Variants in ARAP1 observed in about 807,000 individuals in gnomAD.
ARAP1 encodes the protein arf-GAP with Rho-GAP domain, ANK repeat and PH domain-containing protein 1.
In ARAP1, 76 loss-of-function variants were observed where a neutral mutation model predicts 172.2. The ratio of observed to expected loss-of-function variants is 0.44; its 90% confidence interval spans 0.37 to 0.53. The LOEUF (loss-of-function observed/expected upper bound fraction) is 0.53, where lower values mean the gene tolerates loss of function less well. ARAP1 is among the 20% of genes least tolerant of loss of function. The probability of loss-of-function intolerance (pLI) is 0.00; values close to 1 mark genes in which losing one functional copy is unlikely to be tolerated. For synonymous variants in ARAP1, 804 were observed against 803.3 expected (o/e 1.00, Z -0.01); for missense variants, 1,686 against 1,977.5 (o/e 0.85, Z 2.80).
At chr11:72,739,192 C>G (rs1284435415) in intron 1 of ARAP1, among the ~76,000 whole-genome samples, 1 of 152,188 alleles carries the variant, frequency 6.6e-6, no homozygotes, top group Admixed American at 6.5e-5. Flanking sequence ...CTGGGCCAAG[C>G]AGCCTATTTT....
intron 1 of ARAP1, among the ~76,000 whole-genome samples, chr11:72,744,278 A>G (rs1358907909): frequency 1.3e-5 from 2 of 152,164 alleles, no homozygotes; most frequent in African/African-American, 2.4e-5. Flanking sequence ...CACACAGTGA[A>G]TATCTGTTGA....
At chr11:72,745,829 G>A (rs761283625) in intron 1 of ARAP1, among the ~76,000 whole-genome samples, 14 of 152,188 alleles carry the variant, frequency 9.2e-5, no homozygotes, top group Non-Finnish European at 1.6e-4. Context: ...TCCTGGCTGG[G>A]TTGTGCTTCT....
chr11:72,691,953 AG>A (rs1445551388), intron 30 of ARAP1, among the ~76,000 whole-genome samples: 1 of 152,178 alleles, frequency 6.6e-6, no homozygotes, highest in Non-Finnish European at 1.5e-5. Context: ...AGTTCACAGT[AG>A]GGTTCGCACT....
chr11:72,736,239 CTTTTTTTT>C (rs61233618), intron 1 of ARAP1, among the ~76,000 whole-genome samples: 3 of 132,380 alleles, frequency 2.3e-5, no homozygotes, highest in African/African-American at 8.5e-5. Flanking sequence ...TTTTAGTTAC[CTTTTTTTT>C]TTTTTTTTTG....
intron 3 of ARAP1, among the ~76,000 whole-genome samples, chr11:72,719,017 G>T (rs1486139746): frequency 6.6e-6 from 1 of 152,198 alleles, no homozygotes; most frequent in Non-Finnish European, 1.5e-5. Context: ...TGCTCTGTAA[G>T]GTAAGGCTCG....
At position 72,693,704 on chromosome 11, in the gene ARAP1, G is replaced by C; in HGVS notation, c.3796C>G (p.Leu1266Val). ...VKKHQAMEAM[L>V]LYLASRVGDT... ...AGGCACCACCTACCCAGGTACAGCA[G>C]CATGGCCTCCATGGCCTGGTGCTTC... Residue 1266 changes from leucine to valine, a missense_variant, in exon 28 of 35, where the codon CTG becomes GTG. Coordinates refer to ENST00000393609, the MANE Select transcript of ARAP1 (RefSeq NM_001040118.3). The surrounding 1 kb of genome is among the most constrained non-coding windows in gnomAD (Gnocchi z 4.6). 2 of 1,607,256 alleles carry C rather than the reference G, an allele frequency of 1.2e-6. No homozygotes were observed. The highest frequency in any genetic ancestry group is 1.7e-6 in the Non-Finnish European group (2 of 1,176,900).
chr11:72,695,883 AG>A lies in ARAP1; in HGVS notation c.3273-19del. ...ACTGAACACTGGAGAGGGGAGGAGG[AG>A]GGCTTTGAGTGAGGAGTCAGGCCAG... On this transcript the variant is annotated intron_variant, in intron 23 of 34. Transcript: ENST00000393609. This position sits in a 1 kb window ranked among gnomAD's most constrained non-coding sequence, Gnocchi z 4.4. The A allele has an allele frequency of 1.2e-6, 2 of 1,602,614 alleles. No homozygotes were observed. The highest frequency in any genetic ancestry group is 1.7e-6 in the Non-Finnish European group (2 of 1,174,454).
chr11:72,715,708 C>A (rs1292881516), intron 3 of ARAP1, among the ~76,000 whole-genome samples: 2 of 151,786 alleles, frequency 1.3e-5, no homozygotes, highest in African/African-American at 2.4e-5. Context: ...GTAGGTGGGT[C>A]TCAAGGTGTA....
Position 72,702,978 on chromosome 11 carries a change from G to A in ARAP1, c.2094C>T (p.Pro698=), listed in dbSNP as rs867388056. 1 of 1,567,740 alleles carries A rather than the reference G, an allele frequency of 6.4e-7. No individual in the cohort carries two copies. The highest frequency in any genetic ancestry group is 8.6e-7 in the Non-Finnish European group (1 of 1,157,558). ...INCFSGDPEA[P]TPLALAEQAG... ...CCTGCTCTGCAAGAGCCAGGGGCGT[G>A]GGGGCCTCAGGGTCCCCCGAGAAGC... The change falls in exon 15 of 35, where the codon CCC becomes CCT. Residue 698 remains proline, a synonymous_variant. Transcript: ENST00000393609.
intron 1 of ARAP1, among the ~76,000 whole-genome samples, chr11:72,733,490 C>T (rs1198911292): frequency 1.3e-5 from 2 of 152,144 alleles, no homozygotes; most frequent in African/African-American, 4.8e-5. Context: ...TTGAGGAAAA[C>T]AGACCAAAAG....
intron 2 of ARAP1, among the ~76,000 whole-genome samples, chr11:72,732,046 G>A (rs1364006495): frequency 1.3e-5 from 2 of 152,038 alleles, no homozygotes; most frequent in African/African-American, 2.4e-5. Flanking sequence ...AAAACTGGAC[G>A]GATATATATA....
chr11:72,711,607 TAGGG>T (rs1423147037), intron 7 of ARAP1, 108 bp from the exon 8 acceptor site: 1 of 915,686 alleles, frequency 1.1e-6, no homozygotes, highest in East Asian at 2.5e-5. Context: ...AGCCAGGTTC[TAGGG>T]AGGAAGAATC....
At chr11:72,733,183 G>A (rs1295427337) in intron 1 of ARAP1, among the ~76,000 whole-genome samples, 1 of 152,184 alleles carries the variant, frequency 6.6e-6, no homozygotes, top group Non-Finnish European at 1.5e-5. Flanking sequence ...GTGGTAAAGA[G>A]GAGTCAGGAC....
intron 1 of ARAP1, among the ~76,000 whole-genome samples, chr11:72,746,327 G>A (rs1157185042): frequency 6.6e-6 from 1 of 152,160 alleles, no homozygotes; most frequent in Admixed American, 6.5e-5. Context: ...TGTGTGCTGG[G>A]GGTGGTAGAT....
At chr11:72,735,120 A>G (rs1416901320) in intron 1 of ARAP1, among the ~76,000 whole-genome samples, 1 of 152,054 alleles carries the variant, frequency 6.6e-6, no homozygotes, top group East Asian at 1.9e-4. Context: ...ACCTGGGACT[A>G]CAGGCTTGCA....
chr11:72,686,170 AG>A lies in ARAP1; in HGVS notation c.4206del (p.Ser1403GlnfsTer20). 6 of 1,613,530 alleles carry A rather than the reference AG, an allele frequency of 3.7e-6. No individual in the cohort carries two copies. The highest frequency in any genetic ancestry group is 5.1e-6 in the Non-Finnish European group (6 of 1,179,790). On this transcript the variant is annotated frameshift_variant, in exon 34 of 35. Transcript: ENST00000393609. LOFTEE classifies it high-confidence loss of function. Reference protein sequence around the residue: ...LFVQHDGLVWPSEPSRVSRAV... With the variant: ...LFVQHDGLVWXSEPSRVSRAV... ...GCCCGGGACACGCGTGAGGGCTCTGAGGGCCACACCAGGCCGTCATGCTGGG... is the reference window on the plus strand; with the variant it reads ...GCCCGGGACACGCGTGAGGGCTCTGAGGCCACACCAGGCCGTCATGCTGGG...
At chr11:72,686,709 G>A (rs1333264013) in intron 33 of ARAP1, among the ~76,000 whole-genome samples, 1 of 152,136 alleles carries the variant, frequency 6.6e-6, no homozygotes, top group Non-Finnish European at 1.5e-5. Context: ...TCCCCACCAT[G>A]TCCCTGCCTG....
Position 72,709,933 on chromosome 11 carries a change from A to T in ARAP1, c.1460T>A (p.Val487Glu). ...GIGITFIDMSVGNVKEVDRRS... is the reference protein window; with the variant it reads ...GIGITFIDMSEGNVKEVDRRS... ...CCGGTCCACTTCCTTCACGTTGCCC[A>T]CGCTCATGTCGATGAAGGTGATGCC... Residue 487 changes from valine (V) to glutamate (E), a missense_variant, in exon 11 of 35, where the codon GTG becomes GAG. This residue lies in a region of ARAP1 where 688 missense variants were observed against 856.9 expected (regional missense o/e 0.80). Coordinates refer to ENST00000393609, the MANE Select transcript of ARAP1 (RefSeq NM_001040118.3). 1 of 1,614,148 alleles carries T rather than the reference A, an allele frequency of 6.2e-7. No individual in the cohort carries two copies. The highest frequency in any genetic ancestry group is 8.5e-7 in the Non-Finnish European group (1 of 1,180,016).
At chr11:72,688,406 A>G (rs7944294) in intron 31 of ARAP1, 49 bp downstream of exon 31, 421,824 of 1,542,646 alleles carry the variant, frequency 0.27, 59,459 homozygotes, top group South Asian at 0.35. Flanking sequence ...ATCAGTTCTG[A>G]GCCCCCATAA....
Sources: gnomAD v4.1 joint callset for allele counts (sites outside exome capture counted in the v4.1 genomes callset) on GRCh38, gnomAD v4.1.1 for gene constraint, gnomAD v4.1.1 regional missense constraint, Gnocchi (gnomAD v3.1) non-coding constraint, MANE v1.5 for transcripts, NCBI Gene and HGNC (gene_info 2026-07-23, HGNC 2026-07-21) for gene names.